DBH: variants seen among roughly 807,000 people sequenced by gnomAD.
DBH encodes dopamine beta-hydroxylase (dopamine beta-monooxygenase).
In DBH, 49 loss-of-function variants were observed where a neutral mutation model predicts 64.0. That is an observed-to-expected ratio of 0.77 (90% CI 0.61 to 0.97). DBH has a LOEUF of 0.97. DBH is among the 50% of genes least tolerant of loss of function. DBH has a pLI of 0.00. For missense variants in DBH, 828 were observed against 826.6 expected (o/e 1.00, Z -0.02); for synonymous variants, 343 against 347.1 (o/e 0.99, Z 0.13).
At chr9:133,654,541 C>T (rs1377920632) in intron 9 of DBH, 2 of 152,240 alleles carry the variant, frequency 1.3e-5, no homozygotes, top group African/African-American at 2.4e-5. Flanking sequence ...TTTCAGGTGA[C>T]AAGTGTCCTA....
chr9:133,656,489 G>C (rs371533152), intron 9 of DBH, 34 bp from the exon 10 acceptor site: 12 of 1,613,204 alleles, frequency 7.4e-6, no homozygotes, highest in Admixed American at 6.7e-5. Flanking sequence ...TGCGTGGCAT[G>C]GCCCGGGGCT....
intron 5 of DBH, among the ~76,000 whole-genome samples, chr9:133,644,965 A>G (rs1548365): frequency 2.5e-5 from 1 of 39,840 alleles, no homozygotes; most frequent in Non-Finnish European, 6.8e-5. Flanking sequence ...ACGCACACAC[A>G]CATGCACACA....
intron 1 of DBH, 141 bp downstream of exon 1, chr9:133,636,851 A>C: frequency 1.1e-5 from 9 of 820,834 alleles, no homozygotes; most frequent in Non-Finnish European, 1.8e-5. Context: ...CTCTGAGCCA[A>C]GTCTGCACCC....
chr9:133,652,564 GTGTT>G (rs1362904144), intron 8 of DBH, among the ~76,000 whole-genome samples: 1 of 152,162 alleles, frequency 6.6e-6, no homozygotes. Flanking sequence ...AAACCCGAGA[GTGTT>G]TGGGGGAGAT....
chr9:133,641,189 T>C (rs1252577671), intron 2 of DBH, among the ~76,000 whole-genome samples: 1 of 152,174 alleles, frequency 6.6e-6, no homozygotes, highest in Non-Finnish European at 1.5e-5. Flanking sequence ...AAATACGGAA[T>C]CTAAGAAAAC....
intron 8 of DBH, 49 bp from the exon 9 acceptor site, chr9:133,652,891 T>C: frequency 6.8e-7 from 1 of 1,467,956 alleles, no homozygotes; most frequent in Non-Finnish European, 9.5e-7. Context: ...CTCCAGCACC[T>C]GCCAACGCCA....
Position 133,658,904 on chromosome 9 carries a change from TGA to T in DBH, c.*459_*460del, listed in dbSNP as rs1832374079. On this transcript the variant is annotated 3_prime_UTR_variant, in exon 12 of 12. Coordinates refer to ENST00000393056, the MANE Select transcript of DBH (RefSeq NM_000787.4). ...GGGTGCCGCTTAAACATTTCCCTGCTGAGTGGCTCGTGTTTCACAGTGGGCGG... is the reference window on the plus strand; with the variant it reads ...GGGTGCCGCTTAAACATTTCCCTGCTGTGGCTCGTGTTTCACAGTGGGCGG... 6.5e-6 allele frequency: 1 copy of T among 153,112 alleles called. No homozygotes were observed. The highest frequency in any genetic ancestry group is 2.1e-4 in the South Asian group (1 of 4,840). 9.5% of individuals were successfully genotyped at this position (153,112 alleles called of 1,614,324 possible).
At chr9:133,656,463 G>T in intron 9 of DBH, 60 bp from the exon 10 acceptor site, 1 of 1,611,724 alleles carries the variant, frequency 6.2e-7, no homozygotes, top group Non-Finnish European at 8.5e-7. Context: ...GGCGAAAGCT[G>T]CTGGATGGCA....
At chr9:133,647,340 G>T (rs922603550) in intron 5 of DBH, among the ~76,000 whole-genome samples, 1 of 152,194 alleles carries the variant, frequency 6.6e-6, no homozygotes, top group Non-Finnish European at 1.5e-5. Context: ...CGGCAGATGG[G>T]AGTTCCATGC....
chr9:133,645,535 A>G (rs1832172269), intron 5 of DBH, among the ~76,000 whole-genome samples: 1 of 152,178 alleles, frequency 6.6e-6, no homozygotes, highest in Non-Finnish European at 1.5e-5. Context: ...AAATCCCACA[A>G]TTATTTCATG....
chr9:133,642,249 T>C lies in DBH; in HGVS notation c.529T>C (p.Phe177Leu). Residue 177 changes from phenylalanine to leucine, a missense_variant, in exon 3 of 12, where the codon TTC becomes CTC. By Grantham distance (22) the Phe-to-Leu change is conservative. Coordinates refer to ENST00000393056, the MANE Select transcript of DBH (RefSeq NM_000787.4). ...HLVYGILEEPFRSLEAINGSG... is the reference protein window; with the variant it reads ...HLVYGILEEPLRSLEAINGSG... ...GGTCTACGGGATCCTGGAGGAGCCG[T>C]TCCGGTCACTGGAGGCCATCAACGG... 1 of 1,613,906 alleles carries C rather than the reference T, an allele frequency of 6.2e-7. No homozygotes were observed. Among genetic ancestry groups the C allele is most frequent in the South Asian group, 1.1e-5 (1 of 91,078 alleles).
At chr9:133,642,515 G>A (rs1237081348) in intron 3 of DBH, 51 bp downstream of exon 3, 20 of 1,555,454 alleles carry the variant, frequency 1.3e-5, no homozygotes, top group East Asian at 7.1e-5. Flanking sequence ...CCTTCCTCCC[G>A]GGCCTGGGTT....
intron 8 of DBH, 118 bp from the exon 9 acceptor site, chr9:133,652,822 G>C: frequency 1.3e-6 from 1 of 759,560 alleles, no homozygotes; most frequent in Non-Finnish European, 2.4e-6. Context: ...TGGACGACAG[G>C]GACTGTACCC....
chr9:133,641,456 G>A (rs1832115226), intron 2 of DBH, among the ~76,000 whole-genome samples: 1 of 152,254 alleles, frequency 6.6e-6, no homozygotes, highest in Non-Finnish European at 1.5e-5. Context: ...AGGGGCCTTT[G>A]CCTGGAGTTC....
At position 133,658,713 on chromosome 9, in the gene DBH, G is replaced by T; in HGVS notation, c.*266G>T. 2.9e-6 allele frequency: 1 copy of T among 348,124 alleles called. No individual in the cohort carries two copies. Among genetic ancestry groups the T allele is most frequent in the East Asian group, 4.8e-5 (1 of 20,800 alleles). 21.6% of individuals were successfully genotyped at this position (348,124 alleles called of 1,614,324 possible). On this transcript the variant is annotated 3_prime_UTR_variant, in exon 12 of 12. Transcript: ENST00000393056. ...TCCATTTAAACCCGGCTGACTCAGTGCAGGGACAGCCTGCACAGTGGTCCA... is the reference window on the plus strand; with the variant it reads ...TCCATTTAAACCCGGCTGACTCAGTTCAGGGACAGCCTGCACAGTGGTCCA...
chr9:133,640,564 C>G (rs555917017), intron 2 of DBH, among the ~76,000 whole-genome samples: 2 of 152,350 alleles, frequency 1.3e-5, no homozygotes, highest in South Asian at 4.1e-4. Context: ...AGCCCCCCAA[C>G]CTCTTAGGGA....
chr9:133,651,087 G>A (rs1292005622), intron 6 of DBH, among the ~76,000 whole-genome samples: 11 of 152,248 alleles, frequency 7.2e-5, no homozygotes, highest in African/African-American at 2.4e-4. Context: ...GCTGTAGCAC[G>A]GGGTGATGCT....
intron 6 of DBH, among the ~76,000 whole-genome samples, chr9:133,650,474 CTTT>C (rs60456420): frequency 6.8e-6 from 1 of 146,696 alleles, no homozygotes. Flanking sequence ...CTTTTTCTTT[CTTT>C]TTCTTTTTCT....
Position 133,636,570 on chromosome 9 carries a change from T to C in DBH, c.199T>C (p.Tyr67His). Residue 67 changes from tyrosine to histidine, a missense_variant, in exon 1 of 12, where the codon TAC (tyrosine) becomes CAC (histidine). Physicochemically the swap from Tyr to His is moderately conservative, Grantham distance 83 (BLOSUM62 2). Coordinates refer to ENST00000393056, the MANE Select transcript of DBH (RefSeq NM_000787.4). ...CCTGGAGCTCTCATGGAATGTCAGC[T>C]ACACCCAGGAGGCCATCCATTTCCA... ...GSLELSWNVS[Y>H]TQEAIHFQLL... The C allele has an allele frequency of 6.2e-7, 1 of 1,613,704 alleles. No homozygotes were observed. The highest frequency in any genetic ancestry group is 8.5e-7 in the Non-Finnish European group (1 of 1,180,012).
Sources: gnomAD v4.1 joint callset for allele counts (sites outside exome capture counted in the v4.1 genomes callset) on GRCh38, gnomAD v4.1.1 for gene constraint, MANE v1.5 for transcripts, NCBI Gene and HGNC (gene_info 2026-07-23, HGNC 2026-07-21) for gene names.